Variants in MACROD2 observed in about 807,000 individuals in gnomAD.
The protein encoded by MACROD2 is mono-ADP ribosylhydrolase 2, also known as ADP-ribose glycohydrolase MACROD2.
MACROD2 carries 36 observed loss-of-function variants against 70.4 expected under a neutral mutation model. That is an observed-to-expected ratio of 0.51 (90% confidence interval 0.39 to 0.68). MACROD2 has a LOEUF of 0.68. MACROD2 is among the 30% of genes least tolerant of loss of function. The probability of loss-of-function intolerance (pLI) is 0.00; values close to 1 mark genes in which losing one functional copy is unlikely to be tolerated. For missense variants in MACROD2, 496 were observed against 538.4 expected (o/e 0.92, Z 0.78); for synonymous variants, 172 against 178.8 (o/e 0.96, Z 0.30).
intron 5 of MACROD2, among the ~76,000 whole-genome samples, chr20:15,223,257 G>A (rs1034485992): frequency 2.0e-5 from 3 of 152,178 alleles, no homozygotes; most frequent in African/African-American, 4.8e-5. Flanking sequence ...TGTACAAATC[G>A]CATTGCTGTT....
At chr20:15,475,306 A>AAGGTAC (rs1374912861) in intron 7 of MACROD2, among the ~76,000 whole-genome samples, 4 of 152,182 alleles carry the variant, frequency 2.6e-5, no homozygotes, top group Non-Finnish European at 5.9e-5. Flanking sequence ...CCATCCCACC[A>AAGGTAC]CTACAAGGTA....
chr20:14,617,199 T>C (rs909663354), intron 4 of MACROD2, among the ~76,000 whole-genome samples: 5 of 152,186 alleles, frequency 3.3e-5, no homozygotes, highest in African/African-American at 1.2e-4. Flanking sequence ...CTCTTCTTGC[T>C]TGTTTCTCTC....
chr20:15,413,396 G>A (rs989742912), intron 6 of MACROD2, among the ~76,000 whole-genome samples: 8 of 152,062 alleles, frequency 5.3e-5, no homozygotes, highest in Non-Finnish European at 7.4e-5. Context: ...AGTAATTTCC[G>A]AAGTTATTGA....
intron 3 of MACROD2, among the ~76,000 whole-genome samples, chr20:14,162,739 G>A (rs944828910): frequency 1.3e-5 from 2 of 151,338 alleles, no homozygotes; most frequent in Non-Finnish European, 2.9e-5. Context: ...CTTTCAGCCT[G>A]TATGTGTCTT....
intron 4 of MACROD2, among the ~76,000 whole-genome samples, chr20:14,582,488 G>A (rs1438073517): frequency 2.6e-5 from 4 of 151,898 alleles, no homozygotes; most frequent in Non-Finnish European, 4.4e-5. Context: ...TGTCCACACC[G>A]AACATTCACT....
At chr20:15,546,968 C>A (rs190539036) in intron 8 of MACROD2, among the ~76,000 whole-genome samples, 1 of 152,132 alleles carries the variant, frequency 6.6e-6, no homozygotes, top group African/African-American at 2.4e-5. Context: ...CTATTACTTC[C>A]CATCTCCTTT....
chr20:15,963,368 G>A (rs970069547), intron 12 of MACROD2, among the ~76,000 whole-genome samples: 3 of 152,026 alleles, frequency 2.0e-5, no homozygotes, highest in Non-Finnish European at 2.9e-5. Context: ...TCTCTTACTC[G>A]GTGCGTTTTT....
intron 6 of MACROD2, among the ~76,000 whole-genome samples, chr20:15,372,664 C>G (rs1323894175): frequency 6.6e-6 from 1 of 152,124 alleles, no homozygotes; most frequent in East Asian, 1.9e-4. Flanking sequence ...TAACTTTGTC[C>G]ATGGAGACAG....
chr20:15,896,809 A>G (rs140741760), intron 10 of MACROD2, among the ~76,000 whole-genome samples: 1 of 152,126 alleles, frequency 6.6e-6, no homozygotes, highest in East Asian at 1.9e-4. Flanking sequence ...ACTGCTGTGT[A>G]CTTTGGTTTC....
intron 15 of MACROD2, among the ~76,000 whole-genome samples, chr20:15,998,698 G>A (rs2066667229): frequency 6.6e-6 from 1 of 151,492 alleles, no homozygotes; most frequent in South Asian, 2.1e-4. Flanking sequence ...CCAAGTGGCT[G>A]GGACTACAGG....
intron 5 of MACROD2, among the ~76,000 whole-genome samples, chr20:14,918,874 T>C (rs1401255794): frequency 2.0e-5 from 3 of 152,184 alleles, no homozygotes; most frequent in African/African-American, 7.2e-5. Flanking sequence ...AACAATCAGC[T>C]GTATGTATGT....
At chr20:14,309,578 G>C (rs1470018377) in intron 3 of MACROD2, among the ~76,000 whole-genome samples, 1 of 152,020 alleles carries the variant, frequency 6.6e-6, no homozygotes, top group African/African-American at 2.4e-5. Context: ...ATGTGTCTAT[G>C]GACAGTAATA....
chr20:14,594,537 T>G (rs868000489), intron 4 of MACROD2, among the ~76,000 whole-genome samples: 3 of 152,214 alleles, frequency 2.0e-5, no homozygotes, highest in Admixed American at 6.5e-5. Flanking sequence ...TATAACATAT[T>G]TTTTCATCTC....
chr20:15,707,263 T>C (rs1748859265), intron 8 of MACROD2, among the ~76,000 whole-genome samples: 1 of 152,174 alleles, frequency 6.6e-6, no homozygotes, highest in African/African-American at 2.4e-5. Context: ...TCATCACCAT[T>C]TTACCATGAG....
At chr20:15,182,487 G>A (rs914867133) in intron 5 of MACROD2, among the ~76,000 whole-genome samples, 4 of 152,118 alleles carry the variant, frequency 2.6e-5, no homozygotes, top group Admixed American at 6.5e-5. Flanking sequence ...TCCTGGGGCG[G>A]AAGACCCTGA....
intron 4 of MACROD2, among the ~76,000 whole-genome samples, chr20:14,521,271 G>C (rs1414375544): frequency 6.6e-6 from 1 of 152,090 alleles, no homozygotes; most frequent in African/African-American, 2.4e-5. Context: ...CTGCCCTCTT[G>C]GGGGCCTCTT....
chr20:14,526,766 C>G (rs565672127), intron 4 of MACROD2, among the ~76,000 whole-genome samples: 4 of 152,316 alleles, frequency 2.6e-5, no homozygotes, highest in South Asian at 4.1e-4. Context: ...TACAAACTGA[C>G]AGGCTGTGGG....
rs144217470 is a variant in MACROD2, at chr20:15,765,091, A to G, written c.646-97654A>G. 5.8e-4 allele frequency among the ~76,000 whole-genome samples: 88 copies of G among 152,034 alleles called. 1 individual carries two copies. Among genetic ancestry groups the G allele is most frequent in the African/African-American group, 2.0e-3 (83 of 41,442 alleles). ...TTTCTTCTCAAATGGCACTTCCTCA[A>G]AGAGGTCTTGTCTAGCTACCCTATC... On this transcript the variant is annotated intron_variant, in intron 8 of 17. Transcript: ENST00000684519.
intron 5 of MACROD2, among the ~76,000 whole-genome samples, chr20:15,134,793 A>G (rs2076133774): frequency 6.6e-6 from 1 of 152,212 alleles, no homozygotes; most frequent in Admixed American, 6.5e-5. Context: ...GTTTTTTGAA[A>G]GGATCAACAA....
Sources: gnomAD v4.1 joint callset for allele counts (sites outside exome capture counted in the v4.1 genomes callset) on GRCh38, gnomAD v4.1.1 for gene constraint, MANE v1.5 for transcripts, NCBI Gene and HGNC (gene_info 2026-07-23, HGNC 2026-07-21) for gene names.